Variants in PRORP observed in about 807,000 individuals in gnomAD.
PRORP encodes protein only RNase P catalytic subunit.
A neutral mutation model predicts 59.4 loss-of-function variants in PRORP; 51 were observed. That is an observed-to-expected ratio of 0.86 (90% CI 0.69 to 1.08). The LOEUF is 1.08. Among genes scored for constraint, PRORP ranks in the 50% least tolerant of loss-of-function variants. The probability of loss-of-function intolerance (pLI) is 0.00; values close to 1 mark genes in which losing one functional copy is unlikely to be tolerated. For missense variants in PRORP, 646 were observed against 690.3 expected (o/e 0.94, Z 0.72); for synonymous variants, 231 against 245.6 (o/e 0.94, Z 0.55).
intron 4 of PRORP, among the ~76,000 whole-genome samples, chr14:35,177,897 C>G: frequency 6.6e-6 from 1 of 152,190 alleles, no homozygotes; most frequent in South Asian, 2.1e-4. Context: ...TATAAATTTC[C>G]CTCCACACAC....
At chr14:35,250,581 T>A (rs2050590242) in intron 5 of PRORP, among the ~76,000 whole-genome samples, 1 of 152,120 alleles carries the variant, frequency 6.6e-6, no homozygotes, top group African/African-American at 2.4e-5. Flanking sequence ...TAACTAAGGC[T>A]CAGATAAAGT....
intron 5 of PRORP, among the ~76,000 whole-genome samples, chr14:35,212,300 A>G (rs183818902): frequency 3.3e-5 from 5 of 152,290 alleles, no homozygotes; most frequent in Non-Finnish European, 7.4e-5. Flanking sequence ...ACCTCCTCCC[A>G]TGAATCATGA....
chr14:35,187,893 G>T (rs550032859), intron 5 of PRORP, among the ~76,000 whole-genome samples: 84 of 150,972 alleles, frequency 5.6e-4, no homozygotes, highest in African/African-American at 1.9e-3. Context: ...TGTCGCCCAG[G>T]CTGGAGTGGT....
At chr14:35,158,071 CTCAACT>C (rs1170074721) in intron 4 of PRORP, 10 of 254,060 alleles carry the variant, frequency 3.9e-5, no homozygotes, top group Non-Finnish European at 8.0e-5. Context: ...GCCATTGGAG[CTCAACT>C]TCAGAGTCCT....
chr14:35,169,324 A>G (rs59275448), intron 4 of PRORP, among the ~76,000 whole-genome samples: 28,011 of 151,892 alleles, frequency 0.18, 2,834 homozygotes, highest in Admixed American at 0.27. Context: ...CTGTGTGTAT[A>G]TGTGTGTGTA....
At position 35,270,390 on chromosome 14, in the gene PRORP, G is replaced by T. The variant is rs778667532; in HGVS notation, c.1425-11G>T. 5 of 1,611,002 alleles carry T rather than the reference G, an allele frequency of 3.1e-6. No homozygotes were observed. The Admixed American group carries it at 5.0e-5, about 16-fold the overall frequency. On this transcript the variant is annotated splice_polypyrimidine_tract_variant and intron_variant, in intron 6 of 7. Transcript: ENST00000534898. ...TGTGCTTGATTGTGTCCTTTCTTAT[G>T]CCTGGTTCAGCTCGGAGGATGATCC...
At chr14:35,234,677 T>G (rs2050163078) in intron 5 of PRORP, among the ~76,000 whole-genome samples, 1 of 55,918 alleles carries the variant, frequency 1.8e-5, no homozygotes, top group Non-Finnish European at 3.4e-5. Context: ...CTGTTGTTCC[T>G]TTTTTTTTTT....
chr14:35,250,199 A>G (rs1053941747), intron 5 of PRORP, among the ~76,000 whole-genome samples: 2 of 151,566 alleles, frequency 1.3e-5, no homozygotes, highest in African/African-American at 4.8e-5. Context: ...GCCACTGCAC[A>G]CCAGCCTGGG....
intron 5 of PRORP, among the ~76,000 whole-genome samples, chr14:35,214,886 G>T (rs1421675004): frequency 3.3e-5 from 5 of 152,190 alleles, no homozygotes; most frequent in Admixed American, 1.3e-4. Context: ...CAGCCTGGGC[G>T]ACAGAGCGAG....
chr14:35,139,850 G>C (rs927610499), intron 4 of PRORP, among the ~76,000 whole-genome samples: 1 of 145,422 alleles, frequency 6.9e-6, no homozygotes, highest in Non-Finnish European at 1.5e-5. Context: ...TCCTTTTGAA[G>C]GATCCAGGGA....
chr14:35,262,573 A>C (rs2050932682), intron 5 of PRORP: 1 of 705,172 alleles, frequency 1.4e-6, no homozygotes, highest in East Asian at 2.7e-5. Context: ...GAGGGATTTC[A>C]ATCACATCAG....
In PRORP at chr14:35,229,468, G is replaced by C. The variant is rs571540697; in HGVS notation, c.1276-37259G>C. On this transcript the variant is annotated intron_variant, in intron 5 of 7. Transcript: ENST00000534898. ...TTTAATCCATCTTGACTTAATTTTT[G>C]TATATGGTGAAAGGTAAAGGTCCAG... Among the ~76,000 whole-genome samples the C allele has an allele frequency of 5.3e-5, 8 of 152,210 alleles. No homozygotes were observed. In the East Asian group the frequency reaches 1.4e-3, roughly 26 times the overall value.
At chr14:35,158,898 T>A (rs2047989233) in intron 4 of PRORP, 1 of 302,148 alleles carries the variant, frequency 3.3e-6, no homozygotes. Flanking sequence ...TGATTAATGT[T>A]GTCTTTCCTG....
At chr14:35,122,026 G>T (rs45622031), upstream of PRORP, 1 of 1,572,554 alleles carries the variant, frequency 6.4e-7, no homozygotes, top group African/African-American at 1.4e-5. Context: ...ACCAGCTCAG[G>T]CGTCAGCACC....
At chr14:35,225,979 AGTTTTCACTAGACTTCTG>A (rs1372237492) in intron 5 of PRORP, among the ~76,000 whole-genome samples, 1 of 152,220 alleles carries the variant, frequency 6.6e-6, no homozygotes, top group African/African-American at 2.4e-5. Flanking sequence ...TGTAACTCTA[AGTTTTCACTAGACTTCTG>A]GTGACCTAGT....
chr14:35,223,872 C>T (rs2049862586), intron 5 of PRORP, among the ~76,000 whole-genome samples: 1 of 152,182 alleles, frequency 6.6e-6, no homozygotes, highest in African/African-American at 2.4e-5. Flanking sequence ...TATTGGAAGA[C>T]TCTACTACTA....
intron 5 of PRORP, among the ~76,000 whole-genome samples, chr14:35,211,264 C>G (rs765735944): frequency 6.6e-6 from 1 of 152,102 alleles, no homozygotes; most frequent in Non-Finnish European, 1.5e-5. Flanking sequence ...TTATTGTCTT[C>G]TCAGCACTTC....
chr14:35,152,599 G>T (rs56270159), intron 4 of PRORP, among the ~76,000 whole-genome samples: 24 of 151,574 alleles, frequency 1.6e-4, no homozygotes, highest in African/African-American at 5.6e-4. Context: ...TGGCCGGGCG[G>T]GGGCTGACCC....
chr14:35,247,915 T>A (rs1464178843), intron 5 of PRORP, among the ~76,000 whole-genome samples: 2 of 152,166 alleles, frequency 1.3e-5, no homozygotes, highest in African/African-American at 2.4e-5. Context: ...GCTTTGACTC[T>A]CAGCTAGCTG....
Sources: gnomAD v4.1 joint callset for allele counts (sites outside exome capture counted in the v4.1 genomes callset) on GRCh38, gnomAD v4.1.1 for gene constraint, MANE v1.5 for transcripts, NCBI Gene and HGNC (gene_info 2026-07-23, HGNC 2026-07-21) for gene names.